EFCAB8: variants seen among roughly 807,000 people sequenced by gnomAD.
EFCAB8 encodes EF-hand calcium binding domain 8, also known as EF-hand calcium-binding domain-containing protein 8.
Under a neutral mutation model 116.3 loss-of-function variants are expected in EFCAB8, and 100 were observed. That is an observed-to-expected ratio of 0.86 (90% CI 0.73 to 1.02). EFCAB8 has a LOEUF of 1.02. Among genes scored for constraint, EFCAB8 ranks in the 50% least tolerant of loss-of-function variants. The probability of loss-of-function intolerance (pLI) is 0.00; values close to 1 mark genes in which losing one functional copy is unlikely to be tolerated. For missense variants in EFCAB8, 1,320 were observed against 1,416.9 expected, an observed-to-expected ratio of 0.93 and a Z score of 1.10; for synonymous variants, 558 against 567.9, an observed-to-expected ratio of 0.98 and a Z score of 0.25.
Position 32,889,182 on chromosome 20 carries a change from T to C in EFCAB8, c.568-119T>C, listed in dbSNP as rs1358704745. On this transcript the variant is annotated intron_variant, in intron 6 of 26. Coordinates refer to ENST00000400522, the MANE Select transcript of EFCAB8 (RefSeq NM_001143967.2). ...CTATCACTAGACTTAGTGGTAGTGCTAGGCTCCATGCCAGGTCTGTGGTGG... is the reference window on the plus strand; with the variant it reads ...CTATCACTAGACTTAGTGGTAGTGCCAGGCTCCATGCCAGGTCTGTGGTGG... The C allele has an allele frequency of 3.8e-6, 3 of 794,942 alleles. 1 individual carries two copies. The South Asian group carries it at 5.1e-5, about 13-fold the overall frequency. 49.2% of individuals were successfully genotyped at this position (794,942 alleles called of 1,614,324 possible).
At chr20:32,895,485 C>T (rs11697992) in intron 9 of EFCAB8, among the ~76,000 whole-genome samples, 1 of 151,522 alleles carries the variant, frequency 6.6e-6, no homozygotes, top group Non-Finnish European at 1.5e-5. Flanking sequence ...ACCACCACTT[C>T]TGGCTAATTT....
chr20:32,899,620 G>GCTC (rs1253804256), intron 11 of EFCAB8, among the ~76,000 whole-genome samples: 8 of 151,916 alleles, frequency 5.3e-5, no homozygotes, highest in Admixed American at 5.2e-4. Context: ...TGTTGCCCAG[G>GCTC]CTGGAGTGTA....
rs752753932 is a variant in EFCAB8 at position 32,920,005 on chromosome 20, C to T, written c.2275-73C>T. On this transcript the variant is annotated intron_variant, in intron 19 of 26. Coordinates refer to ENST00000400522, the MANE Select transcript of EFCAB8 (RefSeq NM_001143967.2). Reference sequence around the variant, plus strand: ...GGGAGTGCCGCTCTTTTATCATCTTCCTCTGGTCTCTGGTCCCCTATGGGG... The same window carrying T: ...GGGAGTGCCGCTCTTTTATCATCTTTCTCTGGTCTCTGGTCCCCTATGGGG... The T allele has an allele frequency of 4.9e-4, 752 of 1,543,712 alleles. 1 individual carries two copies. The highest frequency in any genetic ancestry group is 6.3e-4 in the Non-Finnish European group (723 of 1,141,234).
At chr20:32,910,002 C>G (rs1986846367) in intron 15 of EFCAB8, 71 bp downstream of exon 15, 1 of 753,444 alleles carries the variant, frequency 1.3e-6, no homozygotes, top group Admixed American at 4.3e-5. Flanking sequence ...CCAGACCTCC[C>G]TGTGTGCCTG....
chr20:32,947,325 A>G (rs1988627068), intron 23 of EFCAB8, among the ~76,000 whole-genome samples: 1 of 152,246 alleles, frequency 6.6e-6, no homozygotes, highest in South Asian at 2.1e-4. Context: ...AAAATCATTA[A>G]TGATATAGAA....
chr20:32,957,583 G>A (rs1198580877), intron 23 of EFCAB8, among the ~76,000 whole-genome samples: 3 of 151,904 alleles, frequency 2.0e-5, no homozygotes, highest in Non-Finnish European at 2.9e-5. Flanking sequence ...GATCTCATTC[G>A]GCTTTTCTAT....
chr20:32,880,696 A>T (rs1382264707), intron 5 of EFCAB8, among the ~76,000 whole-genome samples: 1 of 152,220 alleles, frequency 6.6e-6, no homozygotes, highest in Non-Finnish European at 1.5e-5. Context: ...ATTACAAAGG[A>T]TACAGATGAA....
intron 21 of EFCAB8, 115 bp downstream of exon 21, chr20:32,930,731 TG>T (rs1987874093): frequency 9.7e-7 from 1 of 1,027,214 alleles, no homozygotes; most frequent in Non-Finnish European, 1.4e-6. Flanking sequence ...TGGTTCCATT[TG>T]TGAAACAATG....
rs922814579 is a variant in EFCAB8 at position 32,906,825 on chromosome 20, C to A, written c.1157-18C>A. On this transcript the variant is annotated intron_variant, in intron 12 of 26. Transcript: ENST00000400522. ...CCAGTGGAGGCCCCTGGGACTGACA[C>A]CCACGTCTTGACCACAGTGACTGGT... 2 of 1,286,190 alleles carry A rather than the reference C, an allele frequency of 1.6e-6. No homozygotes were observed. The highest frequency in any genetic ancestry group is 1.5e-5 in the African/African-American group (1 of 67,906). The allele number at this position is 1,286,190 out of a possible 1,614,324, so 79.7% of individuals were successfully genotyped here.
chr20:32,942,818 A>C (rs1485862523), intron 22 of EFCAB8, among the ~76,000 whole-genome samples: 2 of 152,122 alleles, frequency 1.3e-5, no homozygotes, highest in Admixed American at 6.6e-5. Context: ...GTGTAAGATA[A>C]AAGATAACAA....
chr20:32,921,130 G>T (rs1987430128), intron 20 of EFCAB8, among the ~76,000 whole-genome samples: 1 of 152,046 alleles, frequency 6.6e-6, no homozygotes, highest in South Asian at 2.1e-4. Context: ...TGAGAGCTGG[G>T]TTTTGCAGTG....
chr20:32,930,242 C>A (rs1397392756), intron 20 of EFCAB8, among the ~76,000 whole-genome samples, 156 bp from the exon 21 acceptor site: 4 of 152,312 alleles, frequency 2.6e-5, no homozygotes, highest in East Asian at 3.9e-4. Context: ...TTCCTTGTCA[C>A]CAGCTGGGGA....
In EFCAB8 at chr20:32,889,285, C is replaced by T; in HGVS notation, c.568-16C>T. 6.4e-6 allele frequency: 10 copies of T among 1,551,072 alleles called. No individual in the cohort carries two copies. The highest frequency in any genetic ancestry group is 8.7e-6 in the Non-Finnish European group (10 of 1,146,572). ...TATGCGTCCCAGCCCATCTCCTCTG[C>T]TCTTCCTCTGGCCAGCTTAACCAGA... On this transcript the variant is annotated splice_polypyrimidine_tract_variant and intron_variant, in intron 6 of 26. Transcript: ENST00000400522.
At chr20:32,927,080 A>C (rs1211870862) in intron 20 of EFCAB8, among the ~76,000 whole-genome samples, 1 of 152,164 alleles carries the variant, frequency 6.6e-6, no homozygotes, top group Non-Finnish European at 1.5e-5. Flanking sequence ...TGGAGCCTAA[A>C]ACTTTTGCAA....
At chr20:32,939,843 C>T (rs1238195835) in intron 22 of EFCAB8, among the ~76,000 whole-genome samples, 12 of 147,424 alleles carry the variant, frequency 8.1e-5, no homozygotes, top group African/African-American at 2.5e-5. Flanking sequence ...TACAGGTGCC[C>T]GCCACCATGC....
intron 7 of EFCAB8, among the ~76,000 whole-genome samples, chr20:32,890,239 A>C (rs933543479): frequency 2.0e-5 from 3 of 151,492 alleles, no homozygotes; most frequent in African/African-American, 7.3e-5. Flanking sequence ...CTCCTCTGGT[A>C]GGTGCTGTGG....
chr20:32,873,496 C>A (rs971822147), intron 3 of EFCAB8, among the ~76,000 whole-genome samples: 1 of 152,010 alleles, frequency 6.6e-6, no homozygotes, highest in African/African-American at 2.4e-5. Context: ...ATTTTCTATC[C>A]TTGCCTGTTC....
intron 25 of EFCAB8, 25 bp downstream of exon 25, chr20:32,960,007 G>A (rs1297864461): frequency 6.4e-7 from 1 of 1,551,574 alleles, no homozygotes; most frequent in Admixed American, 2.0e-5. Flanking sequence ...GGAGCACAGG[G>A]AGGAGTGCAG....
At chr20:32,862,366 G>T (rs1414774367) in intron 1 of EFCAB8, among the ~76,000 whole-genome samples, 1 of 151,746 alleles carries the variant, frequency 6.6e-6, no homozygotes, top group African/African-American at 2.4e-5. Flanking sequence ...GGATGCAAGC[G>T]ATCCTCCCGC....
Sources: gnomAD v4.1 joint callset for allele counts (sites outside exome capture counted in the v4.1 genomes callset) on GRCh38, gnomAD v4.1.1 for gene constraint, MANE v1.5 for transcripts, NCBI Gene and HGNC (gene_info 2026-07-23, HGNC 2026-07-21) for gene names.